CASK: variants seen among roughly 807,000 people sequenced by gnomAD.
The protein encoded by CASK is calcium/calmodulin dependent serine protein kinase, also known as peripheral plasma membrane protein CASK.
A neutral mutation model predicts 82.9 loss-of-function variants in CASK; 4 were observed. The ratio of observed to expected loss-of-function variants is 0.05; its 90% CI spans 0.02 to 0.11. CASK has a LOEUF of 0.11. Among genes scored for constraint, CASK ranks in the 10% least tolerant of loss-of-function variants. The pLI is 1.00. For missense variants in CASK, 358 were observed against 720.9 expected (o/e 0.50, Z 5.76); for synonymous variants, 259 against 253.5 (o/e 1.02, Z -0.20).
At chrX:41,542,391 A>C (rs912672447) in intron 22 of CASK, among the ~76,000 whole-genome samples, 12 of 113,161 alleles carry the variant, frequency 1.1e-4, no homozygotes, top group African/African-American at 3.2e-4. Context: ...GCTACTCAGC[A>C]AACTCTCAAG....
chrX:41,846,158 A>C (rs2071150289), intron 2 of CASK, among the ~76,000 whole-genome samples: 1 of 111,578 alleles, frequency 9.0e-6, no homozygotes, highest in Non-Finnish European at 1.9e-5. Context: ...AATAGCCAAG[A>C]CTTGGAATCA....
chrX:41,895,819 G>C (rs1268030013), intron 1 of CASK, among the ~76,000 whole-genome samples: 2 of 111,771 alleles, frequency 1.8e-5, no homozygotes, highest in East Asian at 5.6e-4. Flanking sequence ...GAAGGTAAAA[G>C]CTCAGGAATT....
chrX:41,523,025 G>C (rs2064660243), intron 26 of CASK: 1 of 112,239 alleles, frequency 8.9e-6, no homozygotes, highest in African/African-American at 3.2e-5. Context: ...CATTTTGGCA[G>C]CTATGGAAAA....
chrX:41,546,130 C>T (rs1044296313), intron 21 of CASK, among the ~76,000 whole-genome samples: 18 of 111,400 alleles, frequency 1.6e-4, no homozygotes, highest in African/African-American at 3.9e-4. Flanking sequence ...CCTGCCACCA[C>T]GCCCAGCTAA....
intron 2 of CASK, among the ~76,000 whole-genome samples, chrX:41,787,590 A>T (rs1403743148): frequency 9.2e-6 from 1 of 108,652 alleles, no homozygotes; most frequent in African/African-American, 3.3e-5. Flanking sequence ...ACTTTCCCCA[A>T]CTCTTCTAAT....
chrX:41,557,808 A>C, intron 18 of CASK, among the ~76,000 whole-genome samples: 1 of 111,605 alleles, frequency 9.0e-6, no homozygotes, highest in Non-Finnish European at 1.9e-5. Flanking sequence ...TATACACTCA[A>C]AATATTTTCC....
intron 2 of CASK, among the ~76,000 whole-genome samples, chrX:41,841,513 T>C (rs758296259): frequency 5.4e-3 from 525 of 97,653 alleles, no homozygotes; most frequent in Non-Finnish European, 9.2e-3. Flanking sequence ...TCCTTTTTGT[T>C]TTTTTTTTTT....
intron 12 of CASK, among the ~76,000 whole-genome samples, chrX:41,594,487 C>T (rs1314814430): frequency 8.9e-6 from 1 of 112,069 alleles, no homozygotes; most frequent in Non-Finnish European, 1.9e-5. Context: ...ATAGGCCCAC[C>T]TTGGTACACT....
chrX:41,542,053 T>C, intron 22 of CASK, among the ~76,000 whole-genome samples: 1 of 112,335 alleles, frequency 8.9e-6, no homozygotes, highest in East Asian at 2.8e-4. Context: ...AAGTGAACAT[T>C]TTGACTTAAG....
At chrX:41,888,553 C>G (rs181629861) in intron 1 of CASK, among the ~76,000 whole-genome samples, 89 of 108,969 alleles carry the variant, frequency 8.2e-4, no homozygotes, top group Non-Finnish European at 8.4e-4. Context: ...GAATAGCAGT[C>G]TCCAATTCCA....
chrX:41,846,818 CAA>C (rs1289240383), intron 2 of CASK, among the ~76,000 whole-genome samples: 1 of 112,066 alleles, frequency 8.9e-6, no homozygotes, highest in East Asian at 2.8e-4. Flanking sequence ...AAGCTAGTGA[CAA>C]ATTCTATCCG....
At chrX:41,799,188 T>G (rs1352947519) in intron 2 of CASK, among the ~76,000 whole-genome samples, 2 of 112,430 alleles carry the variant, frequency 1.8e-5, no homozygotes, top group African/African-American at 6.5e-5. Context: ...TCCTTTCAAT[T>G]TAAGTCACTT....
chrX:41,810,735 T>C (rs906430180), intron 2 of CASK, among the ~76,000 whole-genome samples: 1 of 111,825 alleles, frequency 8.9e-6, no homozygotes, highest in African/African-American at 3.3e-5. Context: ...CATAACAATA[T>C]TAACCTTAAA....
In CASK at chrX:41,653,168, A is replaced by G. The variant is rs539087916; in HGVS notation, c.831+7271T>C. ...GCGAGAGCAGAGGAAAACAGTTCTG[A>G]GTTTTTCCACCTTCAGTTAGTGTCA... On this transcript the variant is annotated intron_variant, in intron 8 of 26. Coordinates refer to ENST00000378163, the MANE Select transcript of CASK (RefSeq NM_001367721.1). Among the ~76,000 whole-genome samples, 3 of 112,298 alleles carry G rather than the reference A, an allele frequency of 2.7e-5. No homozygotes were observed. In the South Asian group the frequency reaches 1.1e-3, roughly 42 times the overall value.
chrX:41,690,353 A>AC (rs1283015917), intron 5 of CASK, among the ~76,000 whole-genome samples: 4 of 107,969 alleles, frequency 3.7e-5, no homozygotes, highest in African/African-American at 1.4e-4. Context: ...ATTAAAAAAA[A>AC]AATTTTTTTT....
chrX:41,703,521 G>A (rs904244836), intron 5 of CASK, among the ~76,000 whole-genome samples: 7 of 112,455 alleles, frequency 6.2e-5, no homozygotes, highest in African/African-American at 1.9e-4. Context: ...GTAGACTCAT[G>A]TAGGTCTTGT....
rs1255583926 is a variant in CASK at position 41,520,366 on chromosome X, G to C, written c.*54C>G. ...GCTGACACAAGGCCGATAACAAAGA[G>C]GCTTTTCCACAAATGAGGTGCTCCC... On this transcript the variant is annotated 3_prime_UTR_variant, in exon 27 of 27. Coordinates refer to ENST00000378163, the MANE Select transcript of CASK (RefSeq NM_001367721.1). The C allele has an allele frequency of 5.5e-5, 57 of 1,029,878 alleles. No individual in the cohort carries two copies. The highest frequency in any genetic ancestry group is 7.3e-5 in the Non-Finnish European group (54 of 741,837). The allele number at this position is 1,029,878 out of a possible 1,213,427, so 84.9% of individuals were successfully genotyped here.
chrX:41,610,374 A>G (rs1369251188), intron 11 of CASK, among the ~76,000 whole-genome samples: 1 of 111,844 alleles, frequency 8.9e-6, no homozygotes, highest in Non-Finnish European at 1.9e-5. Flanking sequence ...GGACTCCAAG[A>G]TGTTCTGAAA....
chrX:41,757,435 T>C (rs1205632129), intron 3 of CASK, among the ~76,000 whole-genome samples: 1 of 112,129 alleles, frequency 8.9e-6, no homozygotes, highest in African/African-American at 3.2e-5. Flanking sequence ...CTCCTAACTG[T>C]TTCTTCCAAT....
Sources: gnomAD v4.1 joint callset for allele counts (sites outside exome capture counted in the v4.1 genomes callset) on GRCh38, gnomAD v4.1.1 for gene constraint, MANE v1.5 for transcripts, NCBI Gene and HGNC (gene_info 2026-07-23, HGNC 2026-07-21) for gene names.